The following NRXN1 variants were observed in gnomAD, a reference collection of about 807,000 sequenced individuals.
NRXN1 encodes neurexin 1, also known as neurexin-1.
A neutral mutation model predicts 150.9 loss-of-function variants in NRXN1; 39 were observed. The observed-to-expected ratio is 0.26, with a 90% CI of 0.20 to 0.34. The LOEUF is 0.34. Among genes scored for constraint, NRXN1 ranks in the 10% least tolerant of loss-of-function variants. The probability of loss-of-function intolerance (pLI) is 1.00; values close to 1 mark genes in which losing one functional copy is unlikely to be tolerated. For synonymous variants in NRXN1, 924 were observed against 757.0 expected (o/e 1.22, Z -3.62); for missense variants, 1,815 against 1,949.9 (o/e 0.93, Z 1.30).
intron 17 of NRXN1, among the ~76,000 whole-genome samples, chr2:50,271,138 C>T (rs904496086): frequency 6.6e-6 from 1 of 152,010 alleles, no homozygotes; most frequent in Non-Finnish European, 1.5e-5. Flanking sequence ...CACTACTGGA[C>T]AATATTGATA....
intron 21 of NRXN1, among the ~76,000 whole-genome samples, chr2:49,988,619 TAAAAA>T (rs3046623): frequency 0.49 from 62,466 of 127,848 alleles, 14,316 homozygotes; most frequent in Middle Eastern, 0.63. Context: ...AGTTAACTAT[TAAAAA>T]AAAAAAAAAA....
intron 18 of NRXN1, among the ~76,000 whole-genome samples, chr2:50,166,054 G>T (rs1000526026): frequency 6.6e-6 from 1 of 152,076 alleles, no homozygotes; most frequent in African/African-American, 2.4e-5. Context: ...TACAGGCTGA[G>T]CAAGCCAAAT....
rs543629805 is a variant in NRXN1, at chr2:51,023,144, T to C, written c.772+4358A>G. Among the ~76,000 whole-genome samples, 11 of 152,330 alleles carry C rather than the reference T, an allele frequency of 7.2e-5. No individual in the cohort carries two copies. In the South Asian group the frequency reaches 2.1e-3, roughly 29 times the overall value. On this transcript the variant is annotated intron_variant, in intron 2 of 22. Transcript: ENST00000401669. ...TACTGTGGGTGCTTAACAAATGATG[T>C]TGACTGACAAACAGAAAATGTTTCC...
chr2:50,965,319 G>A (rs1018866265), intron 2 of NRXN1, among the ~76,000 whole-genome samples: 17 of 151,238 alleles, frequency 1.1e-4, no homozygotes, highest in Middle Eastern at 3.4e-3. Flanking sequence ...TGAATGGGGA[G>A]TATTAGCTCA....
intron 21 of NRXN1, among the ~76,000 whole-genome samples, chr2:49,995,780 C>CAAAAAAAA (rs1163315598): frequency 2.7e-5 from 1 of 36,374 alleles, no homozygotes; most frequent in African/African-American, 9.7e-5. Context: ...GACTCCGTCT[C>CAAAAAAAA]AAAAAAAAAA....
In NRXN1 at chr2:50,463,711, C is replaced by A. The variant is rs148393093; in HGVS notation, c.3364+1731G>T. ...ACAAATACATACACAAAATTATATT[C>A]TTTATATTTAACTGGTATATGAGGA... On this transcript the variant is annotated intron_variant, in intron 17 of 22. Transcript: ENST00000401669. Among the ~76,000 whole-genome samples the A allele has an allele frequency of 2.2e-3, 327 of 151,788 alleles. 6 individuals are homozygous for A. In the East Asian group the frequency reaches 0.029, roughly 13 times the overall value.
intron 2 of NRXN1, among the ~76,000 whole-genome samples, chr2:50,962,616 C>T (rs971676405): frequency 6.6e-5 from 10 of 151,532 alleles, no homozygotes; most frequent in Admixed American, 3.3e-4. Context: ...ATCTCATTGT[C>T]TTATGTCAGC....
intron 2 of NRXN1, among the ~76,000 whole-genome samples, chr2:50,937,192 G>A (rs1312968330): frequency 6.6e-6 from 1 of 151,978 alleles, no homozygotes; most frequent in Non-Finnish European, 1.5e-5. Context: ...CTTATTTATG[G>A]CTAATACGTA....
chr2:50,477,496 G>A (rs2090084847), intron 15 of NRXN1, among the ~76,000 whole-genome samples: 2 of 152,236 alleles, frequency 1.3e-5, no homozygotes, highest in Middle Eastern at 3.4e-3. Context: ...GACAAATGAC[G>A]CGGTAGAGAT....
intron 19 of NRXN1, among the ~76,000 whole-genome samples, chr2:50,073,807 CAG>C (rs1426327440): frequency 6.6e-6 from 1 of 151,966 alleles, no homozygotes; most frequent in Non-Finnish European, 1.5e-5. Context: ...TGATTAGAAA[CAG>C]ATGTCATATA....
intron 21 of NRXN1, among the ~76,000 whole-genome samples, chr2:49,991,610 G>T (rs866976261): frequency 2.5e-4 from 38 of 152,098 alleles, no homozygotes; most frequent in Admixed American, 2.4e-3. Flanking sequence ...ATAATGGATA[G>T]AACTAAATAA....
chr2:50,391,242 G>T (rs1337892440), intron 17 of NRXN1, among the ~76,000 whole-genome samples: 2 of 151,440 alleles, frequency 1.3e-5, no homozygotes, highest in Admixed American at 6.6e-5. Context: ...ACAACTGAAA[G>T]ATACAAGTAA....
In NRXN1 at chr2:50,341,605, C is replaced by T. The variant is rs191431281; in HGVS notation, c.3365-104635G>A. ...GATATGTTTCTGAGAAGTATTTAGT[C>T]AGACCAGTCTGCATTAATTATTCAT... On this transcript the variant is annotated intron_variant, in intron 17 of 22. Transcript: ENST00000401669. Among the ~76,000 whole-genome samples the T allele has an allele frequency of 7.2e-4, 109 of 152,320 alleles. 2 individuals are homozygous for T. In the East Asian group the frequency reaches 0.017, roughly 24 times the overall value.
intron 20 of NRXN1, among the ~76,000 whole-genome samples, chr2:50,053,879 C>T (rs951333673): frequency 6.6e-6 from 1 of 152,118 alleles, no homozygotes; most frequent in Non-Finnish European, 1.5e-5. Context: ...CCTTTTACAT[C>T]AAGATCTTAT....
At chr2:50,252,955 A>G (rs1574756938) in intron 17 of NRXN1, among the ~76,000 whole-genome samples, 1 of 152,140 alleles carries the variant, frequency 6.6e-6, no homozygotes, top group Admixed American at 6.6e-5. Flanking sequence ...AAGAATGTCA[A>G]TGGTAGTTTA....
At chr2:49,930,073 C>A (rs888421066) in intron 22 of NRXN1, among the ~76,000 whole-genome samples, 2 of 151,982 alleles carry the variant, frequency 1.3e-5, no homozygotes, top group Non-Finnish European at 2.9e-5. Flanking sequence ...GAGAAGTCTA[C>A]GAAAAACATG....
At chr2:49,954,244 G>T (rs1005606758) in intron 21 of NRXN1, among the ~76,000 whole-genome samples, 2 of 151,974 alleles carry the variant, frequency 1.3e-5, no homozygotes, top group East Asian at 3.9e-4. Context: ...TTCCTATTAT[G>T]CCAGCATTGA....
At chr2:50,978,293 TATATATATATATAAA>T (rs1187170748) in intron 2 of NRXN1, among the ~76,000 whole-genome samples, 2 of 126,560 alleles carry the variant, frequency 1.6e-5, no homozygotes, top group African/African-American at 3.0e-5. Context: ...TATATATATA[TATATATATATATAAA>T]ATATATATAT....
chr2:50,855,820 G>A (rs563675574), intron 5 of NRXN1, among the ~76,000 whole-genome samples: 4 of 152,004 alleles, frequency 2.6e-5, no homozygotes, highest in African/African-American at 7.2e-5. Context: ...TGTATTATTT[G>A]ATTTAATCCT....
Sources: allele counts gnomAD v4.1 joint callset (sites outside exome capture counted in the v4.1 genomes callset), GRCh38; gene constraint gnomAD v4.1.1; transcripts MANE v1.5; gene names NCBI Gene and HGNC (gene_info 2026-07-23, HGNC 2026-07-21).